The following DLG3 variants were observed in gnomAD, a reference collection of about 807,000 sequenced individuals.
DLG3 encodes discs large MAGUK scaffold protein 3.
In DLG3, 1 loss-of-function variant was observed where a neutral mutation model predicts 64.1. That is an observed-to-expected ratio of 0.02 (90% CI 0.01 to 0.07). The LOEUF (loss-of-function observed/expected upper bound fraction) is 0.07, where lower values mean the gene tolerates loss of function less well. DLG3 is among the 10% of genes least tolerant of loss of function. The pLI is 1.00. For synonymous variants in DLG3, 245 were observed against 259.8 expected, an observed-to-expected ratio of 0.94 and a Z score of 0.55; for missense variants, 429 against 669.5, an observed-to-expected ratio of 0.64 and a Z score of 3.96.
rs774089253 is a variant in DLG3 at position 70,500,566 on chromosome X, C to T, written c.2241C>T (p.Ser747=). 2.5e-6 allele frequency: 3 copies of T among 1,196,875 alleles called. No individual in the cohort carries two copies. The highest frequency in any genetic ancestry group is 4.4e-5 in the Admixed American group (2 of 45,626). The change falls in exon 17 of 19, where the codon TCC becomes TCT. Residue 747 remains serine (S), a synonymous_variant. Coordinates refer to ENST00000374360, the MANE Select transcript of DLG3 (RefSeq NM_021120.4). ...YPIAIFIKPK[S]IEALMEMNRR... ...TTGCCATTTTCATCAAGCCCAAGTC[C>T]ATTGAAGCCCTTATGTAAGTGTTGA...
chrX:70,502,304 G>C lies in DLG3; in HGVS notation c.*35G>C. The C allele has an allele frequency of 6.0e-6, 6 of 1,008,308 alleles. No homozygotes were observed. Among genetic ancestry groups the C allele is most frequent in the Non-Finnish European group, 8.4e-6 (6 of 715,091 alleles). 83.1% of individuals were successfully genotyped at this position (1,008,308 alleles called of 1,213,427 possible). A position where few individuals can be genotyped will look rare whatever the true frequency, so the allele number is the denominator to read the frequency against. The stretch of plus-strand genomic sequence containing the variant: ...TCCAACCATTCTCTTGTGAACAGAA[G>C]AAATCAAGTCCCTCTTCCCTCCTCC... On this transcript the variant is annotated 3_prime_UTR_variant, in exon 19 of 19. Transcript: ENST00000374360.
At chrX:70,480,970 C>T (rs1429990044) in intron 10 of DLG3, among the ~76,000 whole-genome samples, 1 of 112,247 alleles carries the variant, frequency 8.9e-6, no homozygotes, top group Admixed American at 9.4e-5. Flanking sequence ...GAGACCATGA[C>T]TGTGTCTAGT....
intron 10 of DLG3, among the ~76,000 whole-genome samples, chrX:70,489,657 A>T (rs1360398752): frequency 9.0e-6 from 1 of 111,598 alleles, no homozygotes. Context: ...AAAAAATTAC[A>T]AACAGTTGGA....
chrX:70,499,009 T>G (rs2087507322), intron 14 of DLG3, among the ~76,000 whole-genome samples, 167 bp from the exon 15 acceptor site: 1 of 111,903 alleles, frequency 8.9e-6, no homozygotes, highest in East Asian at 2.8e-4. Flanking sequence ...ATTCTCAAAT[T>G]AAAGGCTCTT....
rs779422125 is a variant in DLG3 at position 70,453,658 on chromosome X, G to A, written c.1167G>A (p.Leu389=). Residue 389 remains leucine (L), a synonymous_variant, in exon 8 of 19, where the codon CTG becomes CTA. Transcript: ENST00000374360. ...DFTREPRKII[L]HKGSTGLGFN... Reference sequence around the variant, plus strand: ...CCAGAGAGCCTCGCAAGATCATCCTGCACAAAGGCTCCACAGGCCTGGGCT... The same window carrying A: ...CCAGAGAGCCTCGCAAGATCATCCTACACAAAGGCTCCACAGGCCTGGGCT... 2 of 1,209,471 alleles carry A rather than the reference G, an allele frequency of 1.7e-6. No individual in the cohort carries two copies. The highest frequency in any genetic ancestry group is 1.8e-5 in the South Asian group (1 of 56,418).
chrX:70,448,532 G>C (rs1195497322), intron 1 of DLG3: 3 of 1,088,351 alleles, frequency 2.8e-6, no homozygotes, highest in Middle Eastern at 2.4e-4. Flanking sequence ...TGGACACTGG[G>C]TGTGGCATGG....
intron 10 of DLG3, among the ~76,000 whole-genome samples, chrX:70,486,782 G>T (rs1449087791): frequency 3.6e-5 from 4 of 110,863 alleles, no homozygotes; most frequent in African/African-American, 1.3e-4. Flanking sequence ...TTTGAAAGGG[G>T]AGTATCTGCC....
At chrX:70,495,513 G>A (rs1028744971) in intron 13 of DLG3, 60 bp downstream of exon 13, 7 of 1,076,100 alleles carry the variant, frequency 6.5e-6, no homozygotes, top group Non-Finnish European at 9.1e-6. Flanking sequence ...TAGTGGGGGT[G>A]GGGCTATTGG....
chrX:70,493,185 C>A (rs184212281), intron 12 of DLG3, among the ~76,000 whole-genome samples: 5 of 112,250 alleles, frequency 4.5e-5, no homozygotes, highest in Non-Finnish European at 7.5e-5. Flanking sequence ...ATCCCTACAA[C>A]ATTTTCTTGT....
At chrX:70,498,449 G>A (rs2087494525) in intron 13 of DLG3, 71 bp from the exon 14 acceptor site, 2 of 1,064,077 alleles carry the variant, frequency 1.9e-6, no homozygotes, top group African/African-American at 3.6e-5. Flanking sequence ...TGGCAGGGGA[G>A]GGGTACGGGG....
chrX:70,500,638 A>G, intron 17 of DLG3, 58 bp downstream of exon 17: 1 of 968,698 alleles, frequency 1.0e-6, no homozygotes, highest in Non-Finnish European at 1.5e-6. Flanking sequence ...TGGAAGGGAA[A>G]TGGAGAAGAA....
In DLG3 at chrX:70,448,905, C is replaced by A; in HGVS notation, c.358-8C>A. On this transcript the variant is annotated splice_region_variant and splice_polypyrimidine_tract_variant and intron_variant, in intron 1 of 18. Coordinates refer to ENST00000374360, the MANE Select transcript of DLG3 (RefSeq NM_021120.4). ...GGCACTAAGGGAACTGCCTGTGTCT[C>A]CCCCTAGGTGAATGGCAGTGATGGC... 1 of 1,208,208 alleles carries A rather than the reference C, an allele frequency of 8.3e-7. No individual in the cohort carries two copies. Among genetic ancestry groups the A allele is most frequent in the South Asian group, 1.8e-5 (1 of 55,908 alleles).
chrX:70,450,416 C>A lies in DLG3; in HGVS notation c.840+111C>A, dbSNP rs1346196917. ...GGGATGAGGCATCATGGGGGAATTT[C>A]AAGAGTTATCATCTGTGTTGTGTTT... On this transcript the variant is annotated intron_variant, in intron 5 of 18. Coordinates refer to ENST00000374360, the MANE Select transcript of DLG3 (RefSeq NM_021120.4). The A allele has an allele frequency of 3.0e-6, 3 of 1,013,531 alleles. No homozygotes were observed. In the African/African-American group the frequency reaches 5.7e-5, roughly 19 times the overall value. The allele number at this position is 1,013,531 out of a possible 1,213,427, so 83.5% of individuals were successfully genotyped here.
chrX:70,489,802 A>G (rs1298239078), intron 10 of DLG3, among the ~76,000 whole-genome samples: 1 of 111,594 alleles, frequency 9.0e-6, no homozygotes, highest in Non-Finnish European at 1.9e-5. Flanking sequence ...ACAACCAGTA[A>G]ACTCCGCCCT....
chrX:70,477,747 G>C (rs1489750098), intron 9 of DLG3, among the ~76,000 whole-genome samples: 1 of 111,865 alleles, frequency 8.9e-6, no homozygotes, highest in Non-Finnish European at 1.9e-5. Context: ...AATTTAACCC[G>C]TTGGTTAAAC....
In DLG3 at chrX:70,505,337, C is replaced by A. The variant is rs944264349; in HGVS notation, c.*3068C>A. On this transcript the variant is annotated 3_prime_UTR_variant, in exon 19 of 19. Transcript: ENST00000374360. ...ACTGCCGTGCTGTGCTGTGCCGTGT[C>A]CTGAAGGAGGAGAGAGCCCTATCTC... is the stretch of plus-strand genomic sequence containing the variant. 7.2e-5 allele frequency: 8 copies of A among 111,733 alleles called. No homozygotes were observed. The highest frequency in any genetic ancestry group is 2.6e-4 in the African/African-American group (8 of 30,674). 9.2% of individuals were successfully genotyped at this position (111,733 alleles called of 1,213,427 possible).
At chrX:70,476,564 G>A (rs1164836285) in intron 9 of DLG3, among the ~76,000 whole-genome samples, 1 of 111,989 alleles carries the variant, frequency 8.9e-6, no homozygotes, top group Admixed American at 9.5e-5. Context: ...TTTCTTTGTT[G>A]TAAAAAGTTG....
chrX:70,478,106 T>C (rs2087088094), intron 9 of DLG3, among the ~76,000 whole-genome samples: 2 of 112,458 alleles, frequency 1.8e-5, no homozygotes, highest in East Asian at 2.8e-4. Flanking sequence ...TAGTGAAGTG[T>C]GCCTGTTTTC....
At chrX:70,457,200 A>G (rs1356676093) in intron 9 of DLG3, among the ~76,000 whole-genome samples, 1 of 112,050 alleles carries the variant, frequency 8.9e-6, no homozygotes, top group Non-Finnish European at 1.9e-5. Context: ...CAGTTGGGAC[A>G]GACCATGCTT....
Sources: gnomAD v4.1 joint callset for allele counts (sites outside exome capture counted in the v4.1 genomes callset) on GRCh38, gnomAD v4.1.1 for gene constraint, MANE v1.5 for transcripts, NCBI Gene and HGNC (gene_info 2026-07-23, HGNC 2026-07-21) for gene names.